Variants in PTAR1 observed in about 807,000 individuals in gnomAD.
The protein encoded by PTAR1 is protein prenyltransferase alpha subunit repeat-containing protein 1.
A neutral mutation model predicts 45.5 loss-of-function variants in PTAR1; 17 were observed. The observed-to-expected ratio is 0.37, with a 90% CI of 0.26 to 0.56. PTAR1 has a LOEUF of 0.56. Among genes scored for constraint, PTAR1 ranks in the 20% least tolerant of loss-of-function variants. The pLI is 0.77. For synonymous variants in PTAR1, 169 were observed against 171.3 expected (o/e 0.99, Z 0.11); for missense variants, 391 against 476.3 (o/e 0.82, Z 1.67).
At chr9:69,741,896 C>T (rs756822185) in intron 2 of PTAR1, 38 bp from the exon 3 acceptor site, 1 of 1,303,600 alleles carries the variant, frequency 7.7e-7, no homozygotes, top group Admixed American at 2.0e-5. Context: ...ACAAATAGTC[C>T]TACCTTTTAA....
chr9:69,752,778 G>A (rs115790120), intron 1 of PTAR1, among the ~76,000 whole-genome samples: 481 of 152,110 alleles, frequency 3.2e-3, no homozygotes, highest in African/African-American at 0.011. Flanking sequence ...AGCTGAAAGA[G>A]CACCTGAGGT....
At chr9:69,740,222 T>G (rs959870986) in intron 3 of PTAR1, among the ~76,000 whole-genome samples, 1 of 152,154 alleles carries the variant, frequency 6.6e-6, no homozygotes, top group Non-Finnish European at 1.5e-5. Context: ...TATGTATGTA[T>G]GTAGGTATAT....
chr9:69,747,205 T>C (rs1228298685), intron 2 of PTAR1, among the ~76,000 whole-genome samples: 1 of 152,172 alleles, frequency 6.6e-6, no homozygotes, highest in African/African-American at 2.4e-5. Context: ...AGGAAAAAGG[T>C]TGTTTAATCA....
rs1327375114 is a variant in PTAR1 at position 69,717,806 on chromosome 9, G to C, written c.*536C>G. On this transcript the variant is annotated 3_prime_UTR_variant, in exon 8 of 8. Coordinates refer to ENST00000340434, the MANE Select transcript of PTAR1 (RefSeq NM_001099666.2). ...GGCTCACTACAGCCACAAACACCTG[G>C]GGCTCAAGCAATCCTTCTGCCTCAG... The C allele has an allele frequency of 6.6e-6, 1 of 152,436 alleles. No individual in the cohort carries two copies. The highest frequency in any genetic ancestry group is 2.4e-5 in the African/African-American group (1 of 41,410). 9.4% of individuals were successfully genotyped at this position (152,436 alleles called of 1,614,324 possible).
chr9:69,721,064 T>G (rs1824978424), intron 6 of PTAR1, among the ~76,000 whole-genome samples: 1 of 152,234 alleles, frequency 6.6e-6, no homozygotes, highest in African/African-American at 2.4e-5. Context: ...CATAAGGTTA[T>G]AGCTGCCACA....
rs1353814565 is a variant in PTAR1 at position 69,711,130 on chromosome 9, T to A, written c.*7212A>T. The stretch of plus-strand genomic sequence containing the variant: ...GTATAAATATTTGGCATACTTATAA[T>A]ACCTCATCTTTTATTTTTTCCAACT... On this transcript the variant is annotated 3_prime_UTR_variant, in exon 8 of 8. Coordinates refer to ENST00000340434, the MANE Select transcript of PTAR1 (RefSeq NM_001099666.2). The A allele has an allele frequency of 1.3e-5, 2 of 152,150 alleles. No individual in the cohort carries two copies. Among genetic ancestry groups the A allele is most frequent in the African/African-American group, 4.8e-5 (2 of 41,456 alleles). The allele number at this position is 152,150 out of a possible 1,614,324, so 9.4% of individuals were successfully genotyped here.
chr9:69,756,775 T>C (rs897533249), intron 1 of PTAR1, among the ~76,000 whole-genome samples: 1 of 152,208 alleles, frequency 6.6e-6, no homozygotes, highest in Non-Finnish European at 1.5e-5. Flanking sequence ...CTCATCATGC[T>C]CCTATCCAAC....
At position 69,723,645 on chromosome 9, in the gene PTAR1, A is replaced by G; in HGVS notation, c.643-15T>C. The G allele has an allele frequency of 6.3e-7, 1 of 1,576,456 alleles. No individual in the cohort carries two copies. On this transcript the variant is annotated splice_polypyrimidine_tract_variant and intron_variant, in intron 5 of 7. Coordinates refer to ENST00000340434, the MANE Select transcript of PTAR1 (RefSeq NM_001099666.2). Reference sequence around the variant, plus strand: ...TCAAGAAGAATCTTTTAAGAAGAAAAAAGGGAAGTAAGAAGAAGAGTTCCC... The same window carrying G: ...TCAAGAAGAATCTTTTAAGAAGAAAGAAGGGAAGTAAGAAGAAGAGTTCCC...
Position 69,713,807 on chromosome 9 carries a change from AATG to A in PTAR1, c.*4532_*4534del, listed in dbSNP as rs1011715876. ...AACTAAATCTTGGTAGGGTGCTTAA[AATG>A]ATAACTAATGGAATAATCAAAGCAT... On this transcript the variant is annotated 3_prime_UTR_variant, in exon 8 of 8. Coordinates refer to ENST00000340434, the MANE Select transcript of PTAR1 (RefSeq NM_001099666.2). 29 of 152,228 alleles carry A rather than the reference AATG, an allele frequency of 1.9e-4. No homozygotes were observed. Among genetic ancestry groups the A allele is most frequent in the African/African-American group, 6.5e-4 (27 of 41,550 alleles). The allele number at this position is 152,228 out of a possible 1,614,324, so 9.4% of individuals were successfully genotyped here.
At chr9:69,724,234 C>T (rs1825160659) in intron 5 of PTAR1, among the ~76,000 whole-genome samples, 1 of 152,128 alleles carries the variant, frequency 6.6e-6, no homozygotes, top group Admixed American at 6.5e-5. Flanking sequence ...TTAACTGTCT[C>T]AAACTTACTT....
rs77452708 is a variant in PTAR1, at chr9:69,730,304, G to A, written c.642+1835C>T. Among the ~76,000 whole-genome samples the A allele has an allele frequency of 2.7e-3, 405 of 152,002 alleles. 3 individuals carry two copies. The highest frequency in any genetic ancestry group is 9.4e-3 in the African/African-American group (390 of 41,464). The stretch of plus-strand genomic sequence containing the variant: ...TAATGAGTTATAACTCACCATTAAT[G>A]AGTTATCTTTACCACCAGATGGTCT... On this transcript the variant is annotated intron_variant, in intron 5 of 7. Coordinates refer to ENST00000340434, the MANE Select transcript of PTAR1 (RefSeq NM_001099666.2).
At chr9:69,730,505 A>G (rs1825485401) in intron 5 of PTAR1, among the ~76,000 whole-genome samples, 1 of 150,686 alleles carries the variant, frequency 6.6e-6, no homozygotes, top group African/African-American at 2.4e-5. Flanking sequence ...CACACTATCA[A>G]GTCATGGATC....
chr9:69,727,966 C>T (rs1825363291), intron 5 of PTAR1, among the ~76,000 whole-genome samples: 1 of 152,174 alleles, frequency 6.6e-6, no homozygotes, highest in South Asian at 2.1e-4. Flanking sequence ...TTAGAAGTTA[C>T]ATCCCATTCC....
rs1391905187 is a variant in PTAR1, at chr9:69,718,158, T to A, written c.*184A>T. Reference sequence around the variant, plus strand: ...AGGAAGGAACTATACGATTATTTTATCCCCACAGGAATGCCAGTTATTAAC... The same window carrying A: ...AGGAAGGAACTATACGATTATTTTAACCCCACAGGAATGCCAGTTATTAAC... On this transcript the variant is annotated 3_prime_UTR_variant, in exon 8 of 8. Transcript: ENST00000340434. 1.9e-6 allele frequency: 1 copy of A among 522,470 alleles called. No homozygotes were observed. 32.4% of individuals were successfully genotyped at this position (522,470 alleles called of 1,614,324 possible).
At chr9:69,758,957 G>C (rs1383524169) in intron 1 of PTAR1, among the ~76,000 whole-genome samples, 1 of 151,984 alleles carries the variant, frequency 6.6e-6, no homozygotes, top group African/African-American at 2.4e-5. Flanking sequence ...AAGAGGTATG[G>C]GAAAGGAGGT....
At chr9:69,729,337 T>TA (rs1034364938) in intron 5 of PTAR1, among the ~76,000 whole-genome samples, 1 of 151,960 alleles carries the variant, frequency 6.6e-6, no homozygotes, top group Non-Finnish European at 1.5e-5. Flanking sequence ...AATAAATAAA[T>TA]AATAATATTA....
intron 3 of PTAR1, among the ~76,000 whole-genome samples, chr9:69,737,129 G>A (rs1669614662): frequency 1.3e-5 from 2 of 152,010 alleles, no homozygotes. Flanking sequence ...GCCCAGGCTG[G>A]AGTACAGTGG....
Position 69,710,327 on chromosome 9 carries a change from A to AT in PTAR1, c.*8014dup, listed in dbSNP as rs1184926435. On this transcript the variant is annotated 3_prime_UTR_variant, in exon 8 of 8. Coordinates refer to ENST00000340434, the MANE Select transcript of PTAR1 (RefSeq NM_001099666.2). ...TATATTGATTACATGTTGAAATGAT[A>AT]TTTTTAATATACTGGGTTACATAAA... 6.6e-6 allele frequency: 1 copy of AT among 152,136 alleles called. No individual in the cohort carries two copies. The allele number at this position is 152,136 out of a possible 1,614,324, so 9.4% of individuals were successfully genotyped here. A position where few individuals can be genotyped will look rare whatever the true frequency, so the allele number is the denominator to read the frequency against.
intron 2 of PTAR1, among the ~76,000 whole-genome samples, chr9:69,744,408 C>T (rs1295388347): frequency 2.7e-5 from 4 of 146,614 alleles, no homozygotes; most frequent in Admixed American, 6.8e-5. Flanking sequence ...TTCTCTGAGA[C>T]GGAGGCTCAC....
Sources: allele counts gnomAD v4.1 joint callset (sites outside exome capture counted in the v4.1 genomes callset), GRCh38; gene constraint gnomAD v4.1.1; transcripts MANE v1.5; gene names NCBI Gene and HGNC (gene_info 2026-07-23, HGNC 2026-07-21).